TMEM35A: variants seen among roughly 807,000 people sequenced by gnomAD.
The protein encoded by TMEM35A is transmembrane protein 35A.
For missense variants in TMEM35A, 83 were observed against 132.7 expected (o/e 0.63, Z 1.84); for synonymous variants, 50 against 54.7 (o/e 0.91, Z 0.38).
At chrX:101,080,541 A>G (rs1569495435) in intron 1 of TMEM35A, among the ~76,000 whole-genome samples, 1 of 110,253 alleles carries the variant, frequency 9.1e-6, no homozygotes, top group African/African-American at 3.3e-5. Context: ...GTTTGACCAG[A>G]TGGAATTGAA....
intron 1 of TMEM35A, among the ~76,000 whole-genome samples, chrX:101,091,626 TA>T (rs1330608809): frequency 8.9e-6 from 1 of 112,037 alleles, no homozygotes; most frequent in African/African-American, 3.2e-5. Context: ...GGAATTTCTT[TA>T]AAAGTTCCTC....
Position 101,095,448 on chromosome X carries a change from G to A in TMEM35A, c.*492G>A, listed in dbSNP as rs1475456082. The A allele has an allele frequency of 9.2e-6, 1 of 109,067 alleles. No individual in the cohort carries two copies. The highest frequency in any genetic ancestry group is 3.3e-5 in the African/African-American group (1 of 29,886). 9.0% of individuals were successfully genotyped at this position (109,067 alleles called of 1,213,427 possible). A position where few individuals can be genotyped will look rare whatever the true frequency, so the allele number is the denominator to read the frequency against. ...CGGAATAAAACAAATTTCCTATGAA[G>A]AGAATCCTGATATGAAACAAGTCAT... On this transcript the variant is annotated 3_prime_UTR_variant, in exon 2 of 2. Transcript: ENST00000372930.
intron 1 of TMEM35A, among the ~76,000 whole-genome samples, chrX:101,084,086 G>A (rs1349263188): frequency 1.9e-5 from 2 of 106,740 alleles, no homozygotes; most frequent in Non-Finnish European, 3.8e-5. Flanking sequence ...TACTCTGGTG[G>A]CTGAGGCAAG....
At chrX:101,093,864 GC>G (rs905638909) in intron 1 of TMEM35A, among the ~76,000 whole-genome samples, 7 of 111,225 alleles carry the variant, frequency 6.3e-5, no homozygotes, top group Admixed American at 1.9e-4. Flanking sequence ...CACAGATGGT[GC>G]CTTCTAACTG....
chrX:101,093,476 G>C (rs902507400), intron 1 of TMEM35A, among the ~76,000 whole-genome samples: 3 of 109,585 alleles, frequency 2.7e-5, no homozygotes, highest in African/African-American at 1.0e-4. Context: ...ACCACACCCG[G>C]CTAATTTTTG....
chrX:101,087,312 TATA>T (rs2089310473), intron 1 of TMEM35A, among the ~76,000 whole-genome samples: 1 of 112,134 alleles, frequency 8.9e-6, no homozygotes, highest in Non-Finnish European at 1.9e-5. Flanking sequence ...GATGGCTTCC[TATA>T]ATGTCAAGAC....
At position 101,083,141 on chromosome X, in the gene TMEM35A, G is replaced by A. The variant is rs149882664; in HGVS notation, c.120+4019G>A. 9.8e-3 allele frequency among the ~76,000 whole-genome samples: 1,099 copies of A among 111,772 alleles called. 16 individuals are homozygous for A. Among genetic ancestry groups the A allele is most frequent in the Non-Finnish European group, 0.015 (777 of 53,187 alleles). On this transcript the variant is annotated intron_variant, in intron 1 of 1. Coordinates refer to ENST00000372930, the MANE Select transcript of TMEM35A (RefSeq NM_021637.3). Reference sequence around the variant, plus strand: ...CCCATACCTCCTCCAGATTTAGCAAGTATCATTATAGAGTACTCTAAATCC... The same window carrying A: ...CCCATACCTCCTCCAGATTTAGCAAATATCATTATAGAGTACTCTAAATCC...
At chrX:101,081,279 C>G (rs1043165835) in intron 1 of TMEM35A, among the ~76,000 whole-genome samples, 2 of 112,142 alleles carry the variant, frequency 1.8e-5, no homozygotes, top group Non-Finnish European at 3.8e-5. Context: ...TTCCAGGGTC[C>G]TCTCCTGCAT....
intron 1 of TMEM35A, among the ~76,000 whole-genome samples, chrX:101,087,937 G>C (rs754779058): frequency 2.7e-5 from 3 of 110,254 alleles, no homozygotes; most frequent in Non-Finnish European, 3.8e-5. Flanking sequence ...ACTTGAACCT[G>C]GGAGGCGGAG....
intron 1 of TMEM35A, among the ~76,000 whole-genome samples, chrX:101,084,666 A>AT: frequency 9.0e-6 from 1 of 110,904 alleles, no homozygotes; most frequent in East Asian, 2.8e-4. Context: ...GGAGTTCGAG[A>AT]CCAGCCTGGG....
intron 1 of TMEM35A, among the ~76,000 whole-genome samples, chrX:101,079,647 C>T (rs147555636): frequency 3.4e-3 from 386 of 111,955 alleles, no homozygotes; most frequent in African/African-American, 0.012. Context: ...TTCCTCCAGC[C>T]ACCTGGGTAT....
In TMEM35A at chrX:101,083,266, C is replaced by T. The variant is rs929574366; in HGVS notation, c.120+4144C>T. On this transcript the variant is annotated intron_variant, in intron 1 of 1. Transcript: ENST00000372930. ...CCTTAAAAGTGCTGGGACGCAGTTT[C>T]CTGTGCAGTGACTGGGAACATATAA... 4.5e-5 allele frequency among the ~76,000 whole-genome samples: 5 copies of T among 112,160 alleles called. No homozygotes were observed. In the Admixed American group the frequency reaches 4.8e-4, roughly 11 times the overall value.
intron 1 of TMEM35A, among the ~76,000 whole-genome samples, chrX:101,092,760 C>G (rs765341170): frequency 9.1e-6 from 1 of 109,907 alleles, no homozygotes; most frequent in Admixed American, 9.8e-5. Flanking sequence ...ATGTGGGAGG[C>G]TGAGGCAGGA....
chrX:101,095,505 T>G lies in TMEM35A; in HGVS notation c.*549T>G, dbSNP rs1285081164. On this transcript the variant is annotated 3_prime_UTR_variant, in exon 2 of 2. Transcript: ENST00000372930. The stretch of plus-strand genomic sequence containing the variant: ...TCATGGCCGGGAATCTCTCCACAGA[T>G]ACTAACAACTTAAACTTACTACTTT... 1 of 106,704 alleles carries G rather than the reference T, an allele frequency of 9.4e-6. No individual in the cohort carries two copies. The highest frequency in any genetic ancestry group is 3.5e-5 in the African/African-American group (1 of 28,286). 8.8% of individuals were successfully genotyped at this position (106,704 alleles called of 1,213,427 possible).
At chrX:101,091,397 G>A (rs192709510) in intron 1 of TMEM35A, among the ~76,000 whole-genome samples, 114 of 108,140 alleles carry the variant, frequency 1.1e-3, no homozygotes, top group African/African-American at 3.5e-3. Flanking sequence ...TGAACTCCTG[G>A]GCTCAGGCAA....
At chrX:101,093,275 T>A (rs1246827448) in intron 1 of TMEM35A, among the ~76,000 whole-genome samples, 1 of 111,877 alleles carries the variant, frequency 8.9e-6, no homozygotes, top group Non-Finnish European at 1.9e-5. Flanking sequence ...AGTGAATTTT[T>A]AAAAAATTCT....
At chrX:101,088,672 G>A (rs762104615) in intron 1 of TMEM35A, among the ~76,000 whole-genome samples, 1 of 111,650 alleles carries the variant, frequency 9.0e-6, no homozygotes, top group South Asian at 3.7e-4. Context: ...TTGGGAGACC[G>A]AGGCAGGTGG....
intron 1 of TMEM35A, among the ~76,000 whole-genome samples, chrX:101,091,509 T>C (rs1364665759): frequency 9.0e-6 from 1 of 110,965 alleles, no homozygotes; most frequent in Non-Finnish European, 1.9e-5. Context: ...TCTCACTATC[T>C]TGTCCAGGCT....
chrX:101,088,814 A>C (rs2089314851), intron 1 of TMEM35A, among the ~76,000 whole-genome samples: 1 of 110,667 alleles, frequency 9.0e-6, no homozygotes, highest in African/African-American at 3.3e-5. Context: ...CTGAGGCAGG[A>C]GAATCGCTTG....
Sources: gnomAD v4.1 joint callset for allele counts (sites outside exome capture counted in the v4.1 genomes callset) on GRCh38, gnomAD v4.1.1 for gene constraint, MANE v1.5 for transcripts, NCBI Gene and HGNC (gene_info 2026-07-23, HGNC 2026-07-21) for gene names.